Variants in POPDC1 observed in about 807,000 individuals in gnomAD.
POPDC1 encodes popeye domain-containing protein 1.
the POPDC1 span, among the ~76,000 whole-genome samples, chr6:105,113,985 C>CA: frequency 5.3e-5 from 8 of 149,538 alleles, no homozygotes; most frequent in South Asian, 4.3e-4. Context: ...CAAAAACAAA[C>CA]AAAAAAAAAC....
At chr6:105,116,952 A>G in the POPDC1 span, 1 of 1,271,534 alleles carries the variant, frequency 7.9e-7, no homozygotes, top group South Asian at 1.5e-5. Context: ...ACTAGGAATG[A>G]TTTAGTGGAC....
chr6:105,101,041 A>T, the POPDC1 span: 15 of 1,543,534 alleles, frequency 9.7e-6, no homozygotes, highest in African/African-American at 1.4e-5. Flanking sequence ...ATTTTTCAGG[A>T]TCTCTTCAAG....
the POPDC1 span, chr6:105,100,970 G>C: frequency 8.2e-7 from 1 of 1,216,428 alleles, no homozygotes; most frequent in Admixed American, 2.7e-5. Flanking sequence ...TCCTCCCTCC[G>C]ACTCCACCAG....
the POPDC1 span, among the ~76,000 whole-genome samples, chr6:105,104,577 C>T: frequency 0.013 from 1,907 of 152,228 alleles, 21 homozygotes; most frequent in African/African-American, 0.03. Context: ...AGTGGGGCAC[C>T]ACCAGCATTC....
the POPDC1 span, among the ~76,000 whole-genome samples, chr6:105,126,596 T>C: frequency 6.6e-6 from 1 of 152,190 alleles, no homozygotes; most frequent in African/African-American, 2.4e-5. Context: ...CTTCTATAAA[T>C]AACAGAAAAC....
At chr6:105,101,680 C>T in the POPDC1 span, among the ~76,000 whole-genome samples, 1 of 152,156 alleles carries the variant, frequency 6.6e-6, no homozygotes, top group Non-Finnish European at 1.5e-5. Context: ...TTTCTTGCCT[C>T]CACCATGGAG....
the POPDC1 span, among the ~76,000 whole-genome samples, chr6:105,114,876 T>A: frequency 2.6e-5 from 4 of 152,218 alleles, no homozygotes; most frequent in Non-Finnish European, 5.9e-5. Flanking sequence ...CATTTCTCAG[T>A]CACTTTTTAA....
At chr6:105,117,798 C>A in the POPDC1 span, among the ~76,000 whole-genome samples, 20 of 152,320 alleles carry the variant, frequency 1.3e-4, no homozygotes, top group African/African-American at 3.8e-4. Flanking sequence ...GCCTGACTTC[C>A]AACATGGAGT....
chr6:105,115,657 G>A, the POPDC1 span: 2 of 1,613,114 alleles, frequency 1.2e-6, no homozygotes, highest in Non-Finnish European at 1.7e-6. Flanking sequence ...TCAGAACTCT[G>A]GAGTAGTATC....
the POPDC1 span, among the ~76,000 whole-genome samples, chr6:105,126,635 A>G: frequency 2.0e-5 from 3 of 152,208 alleles, no homozygotes; most frequent in African/African-American, 7.2e-5. Flanking sequence ...TGTTTCACAC[A>G]CACAAAAAAT....
chr6:105,104,319 T>C, the POPDC1 span, among the ~76,000 whole-genome samples: 2 of 152,156 alleles, frequency 1.3e-5, no homozygotes, highest in South Asian at 4.1e-4. Flanking sequence ...CTGTGTAACA[T>C]TGTGGTTATA....
At chr6:105,101,446 C>T in the POPDC1 span, among the ~76,000 whole-genome samples, 13 of 152,298 alleles carry the variant, frequency 8.5e-5, no homozygotes, top group South Asian at 2.7e-3. Context: ...GATTCCACCG[C>T]ATGTGCTTGG....
At chr6:105,098,702 T>A in the POPDC1 span, 1 of 152,216 alleles carries the variant, frequency 6.6e-6, no homozygotes, top group African/African-American at 2.4e-5. Context: ...CAGTTACACC[T>A]GTGCTCTCAG....
chr6:105,127,117 A>G, the POPDC1 span, among the ~76,000 whole-genome samples: 1 of 152,204 alleles, frequency 6.6e-6, no homozygotes, highest in Admixed American at 6.5e-5. Context: ...ATAGACCCAG[A>G]TCATGACAGC....
chr6:105,109,763 CAAAAAA>C, the POPDC1 span, among the ~76,000 whole-genome samples: 4 of 22,866 alleles, frequency 1.7e-4, 1 homozygote, highest in Non-Finnish European at 3.2e-4. Flanking sequence ...GACCCTTTCT[CAAAAAA>C]AAAAAAAAAA....
chr6:105,122,504 T>G, the POPDC1 span, among the ~76,000 whole-genome samples: 1 of 152,192 alleles, frequency 6.6e-6, no homozygotes. Context: ...AAAGATAGTA[T>G]ATTAGTATTT....
the POPDC1 span, among the ~76,000 whole-genome samples, chr6:105,110,589 T>C: frequency 3.9e-5 from 6 of 152,354 alleles, no homozygotes; most frequent in East Asian, 1.2e-3. Flanking sequence ...AGAAACTCAT[T>C]AGTTTCTCTC....
chr6:105,135,933 T>G, the POPDC1 span, among the ~76,000 whole-genome samples: 1 of 152,178 alleles, frequency 6.6e-6, no homozygotes, highest in African/African-American at 2.4e-5. Context: ...CAGATTAATT[T>G]TGACTAAATC....
the POPDC1 span, chr6:105,116,765 T>C: frequency 6.2e-7 from 1 of 1,612,072 alleles, no homozygotes; most frequent in Admixed American, 1.7e-5. Flanking sequence ...TCCAATAAGA[T>C]ACCTAAAGAT....
Sources: allele counts gnomAD v4.1 joint callset (sites outside exome capture counted in the v4.1 genomes callset), GRCh38; gene constraint gnomAD v4.1.1; transcripts MANE v1.5; gene names NCBI Gene and HGNC (gene_info 2026-07-23, HGNC 2026-07-21).